Variants in CFAP43 observed in about 807,000 individuals in gnomAD.
CFAP43 encodes the protein cilia- and flagella-associated protein 43.
CFAP43 carries 155 observed loss-of-function variants against 218.9 expected under a neutral mutation model. The observed-to-expected ratio is 0.71, with a 90% CI of 0.62 to 0.81. The LOEUF (loss-of-function observed/expected upper bound fraction) is 0.81. Among genes scored for constraint, CFAP43 ranks in the 30% least tolerant of loss-of-function variants. The pLI, the probability that CFAP43 is intolerant of heterozygous loss-of-function variation, is 0.00. For missense variants in CFAP43, 1,778 were observed against 1,954.3 expected (o/e 0.91, Z 1.70); for synonymous variants, 645 against 681.3 (o/e 0.95, Z 0.83).
chr10:104,222,056 AATCC>A (rs1469148664), intron 3 of CFAP43, among the ~76,000 whole-genome samples: 2 of 152,340 alleles, frequency 1.3e-5, no homozygotes, highest in Admixed American at 1.3e-4. Context: ...ATAATATATG[AATCC>A]ATTCTGCTCT....
At chr10:104,213,089 T>C (rs1287370471) in intron 4 of CFAP43, among the ~76,000 whole-genome samples, 2 of 152,196 alleles carry the variant, frequency 1.3e-5, no homozygotes, top group Non-Finnish European at 2.9e-5. Flanking sequence ...TATCACCCAC[T>C]TTTATTAAAA....
At position 104,146,295 on chromosome 10, in the gene CFAP43, C is replaced by T. The variant is rs1416261522; in HGVS notation, c.3823G>A (p.Glu1275Lys). The T allele has an allele frequency of 1.3e-5, 21 of 1,613,682 alleles. No individual in the cohort carries two copies. Among genetic ancestry groups the T allele is most frequent in the Admixed American group, 3.3e-5 (2 of 59,986 alleles). The change falls in exon 30 of 38, where the codon GAG becomes AAG. Residue 1275 changes from glutamate (E) to lysine (K), a missense_variant. Coordinates refer to ENST00000357060, the MANE Select transcript of CFAP43 (RefSeq NM_025145.7). Reference protein sequence around the residue: ...KSREDLDVCKEHYDNLLAEDK... With the variant: ...KSREDLDVCKKHYDNLLAEDK... ...TCTGCCAGTAAGTTGTCATAGTGCT[C>T]CTTGCACACATCCAGGTCTTCTCTA...
chr10:104,232,268 G>A lies in CFAP43; in HGVS notation c.-22C>T. ...CCATGGGCAGTGTTTTCCTCAGGCG[G>A]GAGCAGGCAGCGCACGCAGCACCCC... On this transcript the variant is annotated 5_prime_UTR_variant, in exon 1 of 38. Transcript: ENST00000357060. The A allele has an allele frequency of 6.3e-7, 1 of 1,587,416 alleles. No individual in the cohort carries two copies. Among genetic ancestry groups the A allele is most frequent in the East Asian group, 2.3e-5 (1 of 43,712 alleles).
intron 12 of CFAP43, among the ~76,000 whole-genome samples, chr10:104,189,301 T>G (rs762232217): frequency 1.3e-5 from 2 of 152,198 alleles, no homozygotes; most frequent in Admixed American, 6.5e-5. Flanking sequence ...AGAACCTTCC[T>G]CCAACTCTGC....
intron 14 of CFAP43, 79 bp from the exon 15 acceptor site, chr10:104,186,202 G>A: frequency 3.6e-6 from 4 of 1,121,420 alleles, no homozygotes; most frequent in South Asian, 2.6e-5. Context: ...ATACATGCCT[G>A]TTGTATATTG....
chr10:104,218,161 A>C (rs920803734), intron 3 of CFAP43, among the ~76,000 whole-genome samples: 5 of 152,040 alleles, frequency 3.3e-5, no homozygotes, highest in African/African-American at 1.2e-4. Context: ...ATCCTGGCTA[A>C]CACGGTGAAA....
At chr10:104,199,455 C>T (rs911196392) in intron 8 of CFAP43, among the ~76,000 whole-genome samples, 4 of 152,154 alleles carry the variant, frequency 2.6e-5, no homozygotes, top group Admixed American at 1.3e-4. Context: ...GGATACACAG[C>T]GCCAGTCACT....
intron 34 of CFAP43, among the ~76,000 whole-genome samples, chr10:104,136,126 T>C (rs1220861323): frequency 6.6e-6 from 1 of 151,246 alleles, no homozygotes; most frequent in Non-Finnish European, 1.5e-5. Flanking sequence ...GGTGGGCGCC[T>C]GTAAATCCCA....
intron 15 of CFAP43, among the ~76,000 whole-genome samples, chr10:104,185,622 T>C (rs2090005117): frequency 6.6e-6 from 1 of 152,186 alleles, no homozygotes; most frequent in Non-Finnish European, 1.5e-5. Context: ...CCAGTTTGAT[T>C]AGAACTTAAA....
At chr10:104,208,930 G>A (rs1199510675) in intron 5 of CFAP43, among the ~76,000 whole-genome samples, 2 of 152,070 alleles carry the variant, frequency 1.3e-5, no homozygotes, top group Non-Finnish European at 2.9e-5. Context: ...CATTTCTAAC[G>A]CCCTAAATAA....
intron 34 of CFAP43, among the ~76,000 whole-genome samples, chr10:104,134,836 T>G (rs2087364064): frequency 6.6e-6 from 1 of 152,108 alleles, no homozygotes; most frequent in Non-Finnish European, 1.5e-5. Flanking sequence ...CTCAAATGTT[T>G]CCAAAAAATA....
intron 9 of CFAP43, 85 bp from the exon 10 acceptor site, chr10:104,197,018 A>C (rs584309): frequency 9.9e-7 from 1 of 1,005,652 alleles, no homozygotes; most frequent in Non-Finnish European, 1.5e-6. Context: ...CCAGTGTGCC[A>C]ATGATTTAGT....
intron 20 of CFAP43, among the ~76,000 whole-genome samples, chr10:104,172,080 G>T (rs2089435643): frequency 6.6e-6 from 1 of 152,172 alleles, no homozygotes. Context: ...CTCTAATTAA[G>T]AAAGGGCTTA....
In CFAP43 at chr10:104,185,406, T is replaced by G. The variant is rs575678081; in HGVS notation, c.2011-260A>C. The stretch of plus-strand genomic sequence containing the variant: ...AGGGATTATTATCACCAATTTATAA[T>G]AGGAAATCAGACACAGAGAAGTGAA... On this transcript the variant is annotated intron_variant, in intron 15 of 37. Coordinates refer to ENST00000357060, the MANE Select transcript of CFAP43 (RefSeq NM_025145.7). Among the ~76,000 whole-genome samples the G allele has an allele frequency of 7.2e-4, 109 of 152,174 alleles. 1 individual carries two copies. Among genetic ancestry groups the G allele is most frequent in the Middle Eastern group, 3.4e-3 (1 of 294 alleles).
At chr10:104,220,665 C>A (rs968385811) in intron 3 of CFAP43, among the ~76,000 whole-genome samples, 1 of 152,142 alleles carries the variant, frequency 6.6e-6, no homozygotes, top group Non-Finnish European at 1.5e-5. Context: ...CAAGCCTCCT[C>A]GAACAAAAAC....
Position 104,179,101 on chromosome 10 carries a change from G to A in CFAP43, c.2388C>T (p.Ile796=), listed in dbSNP as rs748321064. The A allele has an allele frequency of 6.2e-7, 1 of 1,611,910 alleles. No individual in the cohort carries two copies. The change falls in exon 19 of 38, where the codon ATC becomes ATT. Residue 796 remains isoleucine (I), a synonymous_variant. Coordinates refer to ENST00000357060, the MANE Select transcript of CFAP43 (RefSeq NM_025145.7). ...PWIQQKSQEA[I]KKEVNLFSKK... ...TGGAAAACAGATTAACCTCCTTTTT[G>A]ATGGCCTGAAACAGAACAAGTATAT...
intron 28 of CFAP43, among the ~76,000 whole-genome samples, chr10:104,148,816 G>T (rs1184818842): frequency 2.0e-5 from 3 of 152,192 alleles, no homozygotes; most frequent in African/African-American, 7.2e-5. Flanking sequence ...ATTATTTATA[G>T]CAACACAAAA....
At position 104,176,953 on chromosome 10, in the gene CFAP43, C is replaced by G. The variant is rs370435576; in HGVS notation, c.2460+2076G>C. ...CTCCTATAATCAACAAGAAAATGAC[C>G]AATTATCCAATAAGGAAATAGGCAA... On this transcript the variant is annotated intron_variant, in intron 19 of 37. Coordinates refer to ENST00000357060, the MANE Select transcript of CFAP43 (RefSeq NM_025145.7). Among the ~76,000 whole-genome samples, 6 of 151,818 alleles carry G rather than the reference C, an allele frequency of 4.0e-5. No homozygotes were observed. The East Asian group carries it at 9.7e-4, about 24-fold the overall frequency.
At chr10:104,211,884 T>C in intron 5 of CFAP43, 123 bp downstream of exon 5, 2 of 1,176,436 alleles carry the variant, frequency 1.7e-6, no homozygotes, top group Non-Finnish European at 2.3e-6. Flanking sequence ...CTAATCTATA[T>C]TAAAAACCAA....
Sources: gnomAD v4.1 joint callset for allele counts (sites outside exome capture counted in the v4.1 genomes callset) on GRCh38, gnomAD v4.1.1 for gene constraint, MANE v1.5 for transcripts, NCBI Gene and HGNC (gene_info 2026-07-23, HGNC 2026-07-21) for gene names.